Variants in PRRX1 observed in about 807,000 individuals in gnomAD.
The protein encoded by PRRX1 is paired mesoderm homeobox protein 1.
Under a neutral mutation model 24.0 loss-of-function variants are expected in PRRX1, and 8 were observed. The ratio of observed to expected loss-of-function variants is 0.33; its 90% CI spans 0.20 to 0.60. The LOEUF is 0.60. PRRX1 is among the 20% of genes least tolerant of loss of function. The pLI is 0.82. For missense variants in PRRX1, 281 were observed against 322.4 expected (o/e 0.87, Z 0.98); for synonymous variants, 160 against 131.7 (o/e 1.22, Z -1.47).
At chr1:170,666,465 G>T (rs1652937818) in intron 1 of PRRX1, among the ~76,000 whole-genome samples, 1 of 148,124 alleles carries the variant, frequency 6.8e-6, no homozygotes, top group Non-Finnish European at 1.5e-5. Context: ...ATTTGGTGTA[G>T]ACCCCAGCTT....
At position 170,664,269 on chromosome 1, in the gene PRRX1, C is replaced by T. The variant is rs1167146574; in HGVS notation, c.51C>T (p.Gly17=). Residue 17 remains glycine, a synonymous_variant, in exon 1 of 4, where the codon GGC becomes GGT. Transcript: ENST00000239461. The part of the protein sequence containing the change: ...HVLERQPALG[G]RLDSPGNLDT... ...TGGAGCGGCAACCGGCGCTGGGCGG[C>T]CGCTTGGACAGCCCGGGCAACCTCG... The T allele has an allele frequency of 6.2e-7, 1 of 1,612,988 alleles. No individual in the cohort carries two copies. Among genetic ancestry groups the T allele is most frequent in the Non-Finnish European group, 8.5e-7 (1 of 1,179,670 alleles).
At chr1:170,731,063 A>G (rs1428362780) in intron 3 of PRRX1, among the ~76,000 whole-genome samples, 2 of 152,202 alleles carry the variant, frequency 1.3e-5, no homozygotes, top group African/African-American at 2.4e-5. Flanking sequence ...CGTATTAGAA[A>G]ATCAACTTCT....
At chr1:170,671,564 T>G in intron 1 of PRRX1, among the ~76,000 whole-genome samples, 1 of 152,252 alleles carries the variant, frequency 6.6e-6, no homozygotes, top group East Asian at 1.9e-4. Context: ...CTGGTACCTA[T>G]CCTGCCTTCA....
Position 170,664,191 on chromosome 1 carries a change from GGGGT to G in PRRX1, c.-20_-17del. On this transcript the variant is annotated 5_prime_UTR_variant, in exon 1 of 4. Transcript: ENST00000239461. ...TGGTGTTGATTCGAGCGGGAAGAGG[GGGGT>G]GGGTGGGATCGGTGGGGGAGACCAT... is the stretch of plus-strand genomic sequence containing the variant. 6.3e-7 allele frequency: 1 copy of G among 1,599,270 alleles called. No homozygotes were observed. Among genetic ancestry groups the G allele is most frequent in the Non-Finnish European group, 8.5e-7 (1 of 1,173,282 alleles).
Position 170,664,139 on chromosome 1 carries a change from C to T in PRRX1, c.-80C>T. 1 of 1,410,548 alleles carries T rather than the reference C, an allele frequency of 7.1e-7. No homozygotes were observed. Among genetic ancestry groups the T allele is most frequent in the Non-Finnish European group, 9.6e-7 (1 of 1,042,484 alleles). The allele number at this position is 1,410,548 out of a possible 1,614,324, so 87.4% of individuals were successfully genotyped here. ...CCCCCTCTTTCTTCCCCACTCGGCTCCTCTCCCCCCTCGCGCCCACAGCGT... is the reference window on the plus strand; with the variant it reads ...CCCCCTCTTTCTTCCCCACTCGGCTTCTCTCCCCCCTCGCGCCCACAGCGT... On this transcript the variant is annotated 5_prime_UTR_variant, in exon 1 of 4. Coordinates refer to ENST00000239461, the MANE Select transcript of PRRX1 (RefSeq NM_022716.4).
At chr1:170,671,865 C>A (rs1018267171) in intron 1 of PRRX1, among the ~76,000 whole-genome samples, 1 of 152,050 alleles carries the variant, frequency 6.6e-6, no homozygotes, top group African/African-American at 2.4e-5. Context: ...CCCCATGGAG[C>A]TGTGTGGACT....
In PRRX1 at chr1:170,726,210, A is replaced by C. The variant is rs1183446562; in HGVS notation, c.418-10A>C. ...TCCTTATGCCTTCTTGCCTCCTAACAATCCTCCAGGTGTGGTTTCAGAACC... is the reference window on the plus strand; with the variant it reads ...TCCTTATGCCTTCTTGCCTCCTAACCATCCTCCAGGTGTGGTTTCAGAACC... On this transcript the variant is annotated splice_polypyrimidine_tract_variant and intron_variant, in intron 2 of 3. Coordinates refer to ENST00000239461, the MANE Select transcript of PRRX1 (RefSeq NM_022716.4). 3 of 1,612,736 alleles carry C rather than the reference A, an allele frequency of 1.9e-6. No homozygotes were observed. The highest frequency in any genetic ancestry group is 2.5e-6 in the Non-Finnish European group (3 of 1,178,906).
intron 3 of PRRX1, among the ~76,000 whole-genome samples, chr1:170,732,722 G>T (rs143312775): frequency 2.9e-4 from 44 of 152,160 alleles, no homozygotes; most frequent in African/African-American, 1.0e-3. Context: ...TACTTCTTGC[G>T]GCTATAGGAT....
rs151019671 is a variant in PRRX1, at chr1:170,737,306, T to C, written c.*1120T>C. 1,018 of 188,744 alleles carry C rather than the reference T, an allele frequency of 5.4e-3. 9 individuals carry two copies. The highest frequency in any genetic ancestry group is 0.023 in the African/African-American group (967 of 42,890). 11.7% of individuals were successfully genotyped at this position (188,744 alleles called of 1,614,324 possible). On this transcript the variant is annotated 3_prime_UTR_variant, in exon 4 of 4. Coordinates refer to ENST00000239461, the MANE Select transcript of PRRX1 (RefSeq NM_022716.4). ...AGGGATCTTGCTGCTTTTCTTTTTC[T>C]ACACGAAGTTTTCATTAAAGCCACA...
intron 1 of PRRX1, among the ~76,000 whole-genome samples, chr1:170,684,130 C>G (rs1481431136): frequency 1.3e-5 from 2 of 152,188 alleles, no homozygotes; most frequent in East Asian, 3.9e-4. Context: ...ATATCTGCTC[C>G]TGGGGTCATA....
chr1:170,669,780 C>T (rs1003234310), intron 1 of PRRX1, among the ~76,000 whole-genome samples: 1 of 152,080 alleles, frequency 6.6e-6, no homozygotes, highest in African/African-American at 2.4e-5. Context: ...CCCCGGCGCG[C>T]CTCCAGTTCC....
chr1:170,710,136 T>C (rs1255341808), intron 1 of PRRX1, among the ~76,000 whole-genome samples: 1 of 152,130 alleles, frequency 6.6e-6, no homozygotes, highest in Admixed American at 6.5e-5. Context: ...GGCCTGGTAA[T>C]TACATTACAG....
chr1:170,717,639 G>T (rs1431288981), intron 1 of PRRX1, among the ~76,000 whole-genome samples: 3 of 151,798 alleles, frequency 2.0e-5, no homozygotes, highest in African/African-American at 7.3e-5. Context: ...CTGTTTTGGG[G>T]GCATGAAATT....
At chr1:170,720,935 T>C (rs1571344678) in intron 2 of PRRX1, among the ~76,000 whole-genome samples, 1 of 152,224 alleles carries the variant, frequency 6.6e-6, no homozygotes, top group African/African-American at 2.4e-5. Context: ...GTAGTGTTCT[T>C]TACATAAGTA....
At chr1:170,724,878 C>T (rs1014571908) in intron 2 of PRRX1, among the ~76,000 whole-genome samples, 1 of 152,118 alleles carries the variant, frequency 6.6e-6, no homozygotes, top group Non-Finnish European at 1.5e-5. Flanking sequence ...GGATGTATAG[C>T]CATTTTTGTG....
At chr1:170,722,370 CTTTTCCTCTTT>C (rs763635029) in intron 2 of PRRX1, among the ~76,000 whole-genome samples, 1 of 152,104 alleles carries the variant, frequency 6.6e-6, no homozygotes, top group Non-Finnish European at 1.5e-5. Flanking sequence ...TTTTTTTCTT[CTTTTCCTCTTT>C]TTTTCCTCAT....
Position 170,737,155 on chromosome 1 carries a change from TTA to T in PRRX1, c.*979_*980del, listed in dbSNP as rs916052011. 2.5e-5 allele frequency: 4 copies of T among 161,904 alleles called. No homozygotes were observed. The highest frequency in any genetic ancestry group is 4.0e-5 in the Non-Finnish European group (3 of 75,048). The allele number at this position is 161,904 out of a possible 1,614,324, so 10.0% of individuals were successfully genotyped here. A position where few individuals can be genotyped will look rare whatever the true frequency, so the allele number is the denominator to read the frequency against. On this transcript the variant is annotated 3_prime_UTR_variant, in exon 4 of 4. Coordinates refer to ENST00000239461, the MANE Select transcript of PRRX1 (RefSeq NM_022716.4). ...ATATATACTGTATATATTTATATAT[TTA>T]TATATATATTTCATATATATATATA...
chr1:170,700,257 C>A (rs1654310659), intron 1 of PRRX1, among the ~76,000 whole-genome samples: 1 of 152,102 alleles, frequency 6.6e-6, no homozygotes. Flanking sequence ...CAGTAGGTCT[C>A]AGGTGAAATG....
intron 1 of PRRX1, among the ~76,000 whole-genome samples, chr1:170,709,790 A>T (rs1654687543): frequency 6.6e-6 from 1 of 152,198 alleles, no homozygotes; most frequent in Admixed American, 6.5e-5. Context: ...GATTGAATGT[A>T]ACCATTGTTA....
Sources: gnomAD v4.1 joint callset for allele counts (sites outside exome capture counted in the v4.1 genomes callset) on GRCh38, gnomAD v4.1.1 for gene constraint, MANE v1.5 for transcripts, NCBI Gene and HGNC (gene_info 2026-07-23, HGNC 2026-07-21) for gene names.